The following CHRDL1 variants were observed in gnomAD, a reference collection of about 807,000 sequenced individuals.
CHRDL1 encodes the protein chordin like 1.
CHRDL1 carries 19 observed loss-of-function variants against 40.9 expected under a neutral mutation model. The ratio of observed to expected loss-of-function variants is 0.46; its 90% confidence interval spans 0.32 to 0.68. The LOEUF (loss-of-function observed/expected upper bound fraction) is 0.68, where lower values mean the gene tolerates loss of function less well. Ranked by LOEUF, CHRDL1 falls within the 30% of genes least tolerant of loss-of-function variation. The pLI is 0.03. For missense variants in CHRDL1, 329 were observed against 352.1 expected, an observed-to-expected ratio of 0.93 and a Z score of 0.53; for synonymous variants, 136 against 123.4, an observed-to-expected ratio of 1.10 and a Z score of -0.68.
At chrX:110,685,067 A>C (rs1225092559) in intron 9 of CHRDL1, among the ~76,000 whole-genome samples, 1 of 112,190 alleles carries the variant, frequency 8.9e-6, no homozygotes, top group Non-Finnish European at 1.9e-5. Flanking sequence ...TTACATGATA[A>C]ATTTTATTAT....
intron 2 of CHRDL1, among the ~76,000 whole-genome samples, chrX:110,784,365 T>C (rs1476216497): frequency 9.0e-6 from 1 of 111,713 alleles, no homozygotes; most frequent in Admixed American, 9.5e-5. Context: ...CATTCAGAAG[T>C]TAATTAGCTT....
chrX:110,780,938 T>A (rs2089931397), intron 2 of CHRDL1, among the ~76,000 whole-genome samples: 1 of 111,760 alleles, frequency 8.9e-6, no homozygotes, highest in Non-Finnish European at 1.9e-5. Context: ...AAATATTTAT[T>A]AATTGAAAGA....
In CHRDL1 at chrX:110,681,601, T is replaced by C; in HGVS notation, c.1037A>G (p.Glu346Gly). Residue 346 changes from glutamate (E) to glycine (G), a missense_variant, in exon 10 of 12, where the codon GAA becomes GGA. Transcript: ENST00000372042. Reference protein sequence around the residue: ...SFDNKGYFCGEETMPVYESVF... With the variant: ...SFDNKGYFCGGETMPVYESVF... The stretch of plus-strand genomic sequence containing the variant: ...AGACTCATACACAGGCATCGTTTCT[T>C]CCCCGCAGAAGTAGCCTTTATTGTC... 1 of 1,207,953 alleles carries C rather than the reference T, an allele frequency of 8.3e-7. No individual in the cohort carries two copies. The highest frequency in any genetic ancestry group is 1.8e-5 in the South Asian group (1 of 56,729).
chrX:110,769,005 T>C (rs1481186706), intron 2 of CHRDL1, among the ~76,000 whole-genome samples: 1 of 111,936 alleles, frequency 8.9e-6, no homozygotes, highest in Non-Finnish European at 1.9e-5. Flanking sequence ...CCACAGCTTA[T>C]CTTATACCAC....
chrX:110,706,722 T>C (rs1362667613), intron 6 of CHRDL1, among the ~76,000 whole-genome samples: 1 of 112,118 alleles, frequency 8.9e-6, no homozygotes, highest in Non-Finnish European at 1.9e-5. Context: ...CCATACATCA[T>C]AAATAGGGTA....
At chrX:110,771,144 CAAA>C (rs753915390) in intron 2 of CHRDL1, among the ~76,000 whole-genome samples, 6 of 65,532 alleles carry the variant, frequency 9.2e-5, no homozygotes. Flanking sequence ...GACTCTGTCT[CAAA>C]AAAAAAAAAA....
At chrX:110,690,269 C>T (rs1324957925) in intron 8 of CHRDL1, among the ~76,000 whole-genome samples, 2 of 105,058 alleles carry the variant, frequency 1.9e-5, no homozygotes, top group African/African-American at 7.0e-5. Context: ...AGGATGGTCT[C>T]GATCTCCTGA....
chrX:110,769,026 A>T (rs2089710429), intron 2 of CHRDL1, among the ~76,000 whole-genome samples: 1 of 111,980 alleles, frequency 8.9e-6, no homozygotes, highest in South Asian at 3.7e-4. Context: ...AGTTCACTTG[A>T]GCACATACCA....
Position 110,705,189 on chromosome X carries a change from T to C in CHRDL1, c.542-4468A>G, listed in dbSNP as rs1261983543. ...GAATACTAATACCCTGTAACACAAATCAGATGAGTGTGTCGTGATGTGTAT... is the reference window on the plus strand; with the variant it reads ...GAATACTAATACCCTGTAACACAAACCAGATGAGTGTGTCGTGATGTGTAT... On this transcript the variant is annotated intron_variant, in intron 6 of 11. Coordinates refer to ENST00000372042, the MANE Select transcript of CHRDL1 (RefSeq NM_001143981.2). Among the ~76,000 whole-genome samples, 4 of 105,036 alleles carry C rather than the reference T, an allele frequency of 3.8e-5. No homozygotes were observed. The East Asian group carries it at 1.2e-3, about 31-fold the overall frequency. The allele number at this position is 105,036 out of a possible 115,157, so 91.2% of individuals were successfully genotyped here.
At chrX:110,766,993 C>T (rs1221610788) in intron 2 of CHRDL1, among the ~76,000 whole-genome samples, 1 of 111,945 alleles carries the variant, frequency 8.9e-6, no homozygotes. Context: ...CAATCCACCA[C>T]GATCAAGTAG....
intron 6 of CHRDL1, among the ~76,000 whole-genome samples, chrX:110,715,978 G>A (rs1256064562): frequency 1.8e-5 from 2 of 112,487 alleles, no homozygotes; most frequent in South Asian, 7.3e-4. Flanking sequence ...AAACATGTAT[G>A]GAAAGATCCA....
intron 4 of CHRDL1, among the ~76,000 whole-genome samples, chrX:110,732,859 C>T (rs1179257311): frequency 8.9e-6 from 1 of 112,047 alleles, no homozygotes; most frequent in East Asian, 2.8e-4. Flanking sequence ...TATCACTTTG[C>T]ATCTCTAGGC....
intron 4 of CHRDL1, among the ~76,000 whole-genome samples, chrX:110,729,414 C>T (rs903705562): frequency 9.1e-6 from 1 of 110,055 alleles, no homozygotes; most frequent in African/African-American, 3.3e-5. Context: ...TAGAGTCCAA[C>T]GATTTCTAGA....
At chrX:110,687,478 C>A (rs1159238818) in intron 9 of CHRDL1, among the ~76,000 whole-genome samples, 10 of 111,768 alleles carry the variant, frequency 8.9e-5, no homozygotes, top group Non-Finnish European at 1.7e-4. Flanking sequence ...TGATTCAGGG[C>A]ATGTTTGCCT....
intron 1 of CHRDL1, 136 bp from the exon 2 acceptor site, chrX:110,792,351 C>T (rs1275187189): frequency 8.0e-6 from 3 of 376,850 alleles, no homozygotes; most frequent in Non-Finnish European, 1.4e-5. Context: ...GTATTGTCTG[C>T]CTGCACAAGA....
chrX:110,746,487 T>A (rs1045126950), intron 4 of CHRDL1, among the ~76,000 whole-genome samples: 4 of 111,864 alleles, frequency 3.6e-5, no homozygotes, highest in African/African-American at 1.3e-4. Context: ...AAGAGCTCAC[T>A]CAGCTTTGAG....
At chrX:110,689,532 ATATC>A (rs2070135678) in intron 8 of CHRDL1, among the ~76,000 whole-genome samples, 1 of 48,680 alleles carries the variant, frequency 2.1e-5, no homozygotes, top group South Asian at 7.1e-4. Flanking sequence ...ATCTATCTAT[ATATC>A]TCTATATCTC....
chrX:110,689,460 A>C lies in CHRDL1; in HGVS notation c.779-657T>G, dbSNP rs190057703. The stretch of plus-strand genomic sequence containing the variant: ...TATATCTATATATATCTATATATCT[A>C]TATATATCTATATATCTATATATCT... On this transcript the variant is annotated intron_variant, in intron 8 of 11. Coordinates refer to ENST00000372042, the MANE Select transcript of CHRDL1 (RefSeq NM_001143981.2). 2.9e-3 allele frequency among the ~76,000 whole-genome samples: 150 copies of C among 52,301 alleles called. 5 individuals are homozygous for C. In the African/African-American group the frequency reaches 0.035, roughly 12 times the overall value. 45.4% of individuals were successfully genotyped at this position (52,301 alleles called of 115,157 possible).
At chrX:110,724,784 A>G (rs1023893989) in intron 4 of CHRDL1, among the ~76,000 whole-genome samples, 3 of 111,143 alleles carry the variant, frequency 2.7e-5, no homozygotes, top group East Asian at 2.8e-4. Flanking sequence ...TTAAGCTTCA[A>G]TATTTCTAGG....
Sources: gnomAD v4.1 joint callset for allele counts (sites outside exome capture counted in the v4.1 genomes callset) on GRCh38, gnomAD v4.1.1 for gene constraint, MANE v1.5 for transcripts, NCBI Gene and HGNC (gene_info 2026-07-23, HGNC 2026-07-21) for gene names.